RANBP17: variants seen among roughly 807,000 people sequenced by gnomAD.
The protein encoded by RANBP17 is RAN binding protein 17.
RANBP17 carries 158 observed loss-of-function variants against 141.2 expected under a neutral mutation model. The ratio of observed to expected loss-of-function variants is 1.12; its 90% CI spans 0.98 to 1.28. The LOEUF is 1.28. Among genes scored for constraint, RANBP17 ranks in the 50% most tolerant of loss-of-function variants. RANBP17 has a pLI of 0.00. For synonymous variants in RANBP17, 430 were observed against 450.0 expected (o/e 0.96, Z 0.56); for missense variants, 1,438 against 1,290.7 (o/e 1.11, Z -1.75).
intron 22 of RANBP17, among the ~76,000 whole-genome samples, chr5:171,228,682 A>G (rs1160822213): frequency 6.6e-6 from 1 of 152,160 alleles, no homozygotes; most frequent in Non-Finnish European, 1.5e-5. Context: ...TTGTTGTCTT[A>G]TTTTAAGAAA....
At chr5:171,252,952 T>G (rs939821018) in intron 24 of RANBP17, 78 of 1,436,990 alleles carry the variant, frequency 5.4e-5, no homozygotes, top group Non-Finnish European at 7.2e-5. Flanking sequence ...GAACTCTGAG[T>G]CTGGTTACAT....
intron 14 of RANBP17, among the ~76,000 whole-genome samples, chr5:171,065,642 C>G (rs1392904761): frequency 1.6e-4 from 25 of 151,936 alleles, no homozygotes; most frequent in Admixed American, 1.6e-3. Context: ...ATTTGAGATA[C>G]CAGTTTTATC....
chr5:171,221,893 GGAAA>G, intron 22 of RANBP17, 53 bp downstream of exon 22: 2 of 1,047,144 alleles, frequency 1.9e-6, no homozygotes, highest in Non-Finnish European at 1.5e-6. Flanking sequence ...TCTCTTTAGA[GGAAA>G]GAAAGATGTT....
chr5:171,287,564 G>C (rs1768243833), intron 25 of RANBP17, among the ~76,000 whole-genome samples: 1 of 149,710 alleles, frequency 6.7e-6, no homozygotes. Flanking sequence ...GCACAGCTCT[G>C]ATCATCCTTT....
At chr5:170,993,230 A>G (rs1397755226) in intron 14 of RANBP17, among the ~76,000 whole-genome samples, 1 of 152,052 alleles carries the variant, frequency 6.6e-6, no homozygotes. Flanking sequence ...CTGTTCCAAT[A>G]ACTAAAATTT....
intron 13 of RANBP17, among the ~76,000 whole-genome samples, chr5:170,963,938 A>G (rs889703378): frequency 2.6e-5 from 4 of 152,232 alleles, no homozygotes; most frequent in Non-Finnish European, 5.9e-5. Context: ...CAAATAGAAA[A>G]AAAATCAGGA....
intron 14 of RANBP17, among the ~76,000 whole-genome samples, chr5:171,065,444 A>G (rs1210459332): frequency 6.6e-6 from 1 of 152,128 alleles, no homozygotes; most frequent in Non-Finnish European, 1.5e-5. Flanking sequence ...GTGATAATCT[A>G]ATGCTGCTGC....
chr5:171,287,837 A>T (rs1344162583), intron 25 of RANBP17, among the ~76,000 whole-genome samples: 1 of 152,050 alleles, frequency 6.6e-6, no homozygotes, highest in African/African-American at 2.4e-5. Context: ...GCCAGGCTGG[A>T]CCAGGGTTCA....
chr5:171,219,389 AGT>A (rs1763418990), intron 21 of RANBP17, among the ~76,000 whole-genome samples: 1 of 151,974 alleles, frequency 6.6e-6, no homozygotes, highest in Admixed American at 6.6e-5. Flanking sequence ...CTTCTCAAGG[AGT>A]GTGTTAGTGG....
chr5:171,035,102 T>C (rs1781786480), intron 14 of RANBP17, among the ~76,000 whole-genome samples: 2 of 152,176 alleles, frequency 1.3e-5, no homozygotes, highest in South Asian at 4.1e-4. Flanking sequence ...AAATGCTAGA[T>C]GGGGTTGTTA....
intron 14 of RANBP17, among the ~76,000 whole-genome samples, chr5:171,033,930 G>A (rs1781709156): frequency 6.6e-6 from 1 of 152,006 alleles, no homozygotes; most frequent in African/African-American, 2.4e-5. Context: ...AACATAGTGA[G>A]GCTCTGTCTC....
intron 14 of RANBP17, among the ~76,000 whole-genome samples, chr5:171,006,188 C>T (rs1779588606): frequency 3.9e-5 from 6 of 152,264 alleles, no homozygotes; most frequent in Admixed American, 2.0e-4. Context: ...GTCAGTATGG[C>T]GATTCCTTCG....
intron 14 of RANBP17, among the ~76,000 whole-genome samples, chr5:171,168,017 C>T (rs373021803): frequency 1.3e-5 from 2 of 152,034 alleles, no homozygotes; most frequent in African/African-American, 2.4e-5. Flanking sequence ...AGATCCAGAC[C>T]GTGTCCTTCC....
At chr5:171,164,651 G>A (rs1466934743) in intron 14 of RANBP17, among the ~76,000 whole-genome samples, 1 of 152,180 alleles carries the variant, frequency 6.6e-6, no homozygotes, top group Non-Finnish European at 1.5e-5. Context: ...TTTTTTAAGA[G>A]CATGCCTTCT....
Position 170,897,299 on chromosome 5 carries a change from A to G in RANBP17, c.489+1184A>G, listed in dbSNP as rs961487991. On this transcript the variant is annotated intron_variant, in intron 5 of 27. Coordinates refer to ENST00000523189, the MANE Select transcript of RANBP17 (RefSeq NM_022897.5). The stretch of plus-strand genomic sequence containing the variant: ...TGATTGCTTGCAGTGTTTCTTTATA[A>G]TACATTCCGTGGGAGGAGAATCAGG... 1.3e-5 allele frequency: 8 copies of G among 621,600 alleles called. No individual in the cohort carries two copies. The African/African-American group carries it at 1.5e-4, about 11-fold the overall frequency. 38.5% of individuals were successfully genotyped at this position (621,600 alleles called of 1,614,324 possible).
intron 5 of RANBP17, among the ~76,000 whole-genome samples, chr5:170,905,519 A>T (rs1771006590): frequency 6.6e-6 from 1 of 152,078 alleles, no homozygotes; most frequent in Admixed American, 6.6e-5. Context: ...GATTTATAGG[A>T]TGGATTTCTA....
At chr5:170,921,032 C>G (rs1237023936) in intron 11 of RANBP17, among the ~76,000 whole-genome samples, 4 of 152,092 alleles carry the variant, frequency 2.6e-5, no homozygotes, top group Non-Finnish European at 5.9e-5. Flanking sequence ...TTCTCCCATT[C>G]TGTAGGTTGC....
chr5:171,063,299 T>C (rs2127676969), intron 14 of RANBP17, among the ~76,000 whole-genome samples: 1 of 152,322 alleles, frequency 6.6e-6, no homozygotes, highest in Admixed American at 6.5e-5. Context: ...TTTTATCTAC[T>C]TTTGGTCTTT....
chr5:171,137,052 A>T (rs1360400798), intron 14 of RANBP17, among the ~76,000 whole-genome samples: 1 of 152,160 alleles, frequency 6.6e-6, no homozygotes, highest in Non-Finnish European at 1.5e-5. Context: ...AAATATTTAT[A>T]AAGTTCTATT....
Sources: allele counts gnomAD v4.1 joint callset (sites outside exome capture counted in the v4.1 genomes callset), GRCh38; gene constraint gnomAD v4.1.1; transcripts MANE v1.5; gene names NCBI Gene and HGNC (gene_info 2026-07-23, HGNC 2026-07-21).